The following TFPI variants were observed in gnomAD, a reference collection of about 807,000 sequenced individuals.
TFPI encodes the protein tissue factor pathway inhibitor.
Under a neutral mutation model 34.6 loss-of-function variants are expected in TFPI, and 15 were observed. The observed-to-expected ratio is 0.43, with a 90% CI of 0.29 to 0.67. The LOEUF is 0.67. Among genes scored for constraint, TFPI ranks in the 30% least tolerant of loss-of-function variants. The pLI, the probability that TFPI is intolerant of heterozygous loss-of-function variation, is 0.15. For missense variants in TFPI, 301 were observed against 364.0 expected (o/e 0.83, Z 1.41); for synonymous variants, 105 against 120.1 (o/e 0.87, Z 0.82).
intron 1 of TFPI, among the ~76,000 whole-genome samples, chr2:187,553,749 T>G (rs1324835566): frequency 6.6e-6 from 1 of 152,166 alleles, no homozygotes; most frequent in Non-Finnish European, 1.5e-5. Flanking sequence ...TTATACCTCA[T>G]TTTAAATATC....
intron 6 of TFPI, among the ~76,000 whole-genome samples, chr2:187,480,197 C>T (rs568658849): frequency 4.3e-4 from 66 of 152,052 alleles, no homozygotes; most frequent in African/African-American, 1.5e-3. Context: ...TAACCAGAGA[C>T]TTTATGAGTG....
rs1172134022 is a variant in TFPI at position 187,467,704 on chromosome 2, A to G, written c.808+49T>C. On this transcript the variant is annotated intron_variant, in intron 7 of 7. Coordinates refer to ENST00000233156, the MANE Select transcript of TFPI (RefSeq NM_006287.6). The stretch of plus-strand genomic sequence containing the variant: ...CTTAATAGATTATCATTTCAATTCA[A>G]TTGCTATCTTAAACACTAGTCAATT... 4.9e-6 allele frequency: 7 copies of G among 1,417,570 alleles called. No individual in the cohort carries two copies. In the African/African-American group the frequency reaches 5.7e-5, roughly 12 times the overall value. 87.8% of individuals were successfully genotyped at this position (1,417,570 alleles called of 1,614,324 possible). A position where few individuals can be genotyped will look rare whatever the true frequency, so the allele number is the denominator to read the frequency against.
chr2:187,480,323 T>C (rs1692751490), intron 6 of TFPI, among the ~76,000 whole-genome samples: 1 of 151,960 alleles, frequency 6.6e-6, no homozygotes, highest in African/African-American at 2.4e-5. Flanking sequence ...ATAATAATAA[T>C]GAGTAACCCT....
rs780180267 is a variant in TFPI, at chr2:187,484,815, A to G, written c.531T>C (p.Asp177=). ...TLEECKNICE[D]GPNGFQVDNY... Reference sequence around the variant, plus strand: ...TGAAATAAGAAATAAACTTACGACCATCTTCACAAATGTTCTTGCATTCTT... The same window carrying G: ...TGAAATAAGAAATAAACTTACGACCGTCTTCACAAATGTTCTTGCATTCTT... Residue 177 remains aspartate (D), a synonymous_variant, in exon 5 of 8, where the codon GAT becomes GAC. Transcript: ENST00000233156. 1 of 1,583,852 alleles carries G rather than the reference A, an allele frequency of 6.3e-7. No homozygotes were observed. The highest frequency in any genetic ancestry group is 8.5e-7 in the Non-Finnish European group (1 of 1,170,070).
intron 3 of TFPI, among the ~76,000 whole-genome samples, chr2:187,495,428 A>G (rs1276430076): frequency 1.3e-5 from 2 of 152,224 alleles, no homozygotes; most frequent in Non-Finnish European, 2.9e-5. Flanking sequence ...GATGAATGGG[A>G]AAAGACCAAG....
intron 6 of TFPI, among the ~76,000 whole-genome samples, chr2:187,472,024 A>T (rs1008770084): frequency 2.0e-5 from 3 of 152,038 alleles, no homozygotes; most frequent in Admixed American, 2.0e-4. Context: ...ATTTACTGCA[A>T]ATTATCTTTG....
At chr2:187,547,151 A>C (rs1688909504) in intron 1 of TFPI, 1 of 152,170 alleles carries the variant, frequency 6.6e-6, no homozygotes, top group Admixed American at 6.5e-5. Flanking sequence ...AGGAGAGCAA[A>C]ATGTTCACCC....
chr2:187,484,048 C>A, intron 6 of TFPI, 76 bp downstream of exon 6: 5 of 1,206,988 alleles, frequency 4.1e-6, no homozygotes, highest in Non-Finnish European at 6.1e-6. Context: ...TAAAGACATA[C>A]TTCTAATACA....
At chr2:187,506,605 T>C (rs980354915) in intron 1 of TFPI, among the ~76,000 whole-genome samples, 1 of 152,160 alleles carries the variant, frequency 6.6e-6, no homozygotes, top group African/African-American at 2.4e-5. Flanking sequence ...CTGTGACAGT[T>C]TCTCAGATTT....
At chr2:187,508,297 G>A (rs1372271041) in intron 1 of TFPI, among the ~76,000 whole-genome samples, 1 of 152,050 alleles carries the variant, frequency 6.6e-6, no homozygotes, top group Admixed American at 6.6e-5. Flanking sequence ...TATATGGGCT[G>A]TTTTTTGGTT....
At chr2:187,493,029 G>A (rs985979517) in intron 3 of TFPI, among the ~76,000 whole-genome samples, 2 of 152,110 alleles carry the variant, frequency 1.3e-5, no homozygotes, top group East Asian at 1.9e-4. Flanking sequence ...CCACTAGGCA[G>A]TGCCCCAGTA....
In TFPI at chr2:187,467,741, T is replaced by C. The variant is rs1287944693; in HGVS notation, c.808+12A>G. 1.3e-6 allele frequency: 2 copies of C among 1,568,886 alleles called. No individual in the cohort carries two copies. The highest frequency in any genetic ancestry group is 1.7e-6 in the Non-Finnish European group (2 of 1,158,852). On this transcript the variant is annotated intron_variant, in intron 7 of 7. Transcript: ENST00000233156. The stretch of plus-strand genomic sequence containing the variant: ...AACACTAGTCAATTAATGGGAAGAG[T>C]ATCTTCTATACCTTTTTTACATGCC...
intron 2 of TFPI, 27 bp downstream of exon 2, chr2:187,503,621 A>G: frequency 6.2e-7 from 1 of 1,605,982 alleles, no homozygotes; most frequent in Non-Finnish European, 8.5e-7. Flanking sequence ...AACTAGCTTA[A>G]AAAGATAATT....
At chr2:187,514,929 C>G (rs951568078) in intron 1 of TFPI, 1 of 152,208 alleles carries the variant, frequency 6.6e-6, no homozygotes, top group Non-Finnish European at 1.5e-5. Flanking sequence ...TAAACTACAT[C>G]TATTACAACC....
In TFPI at chr2:187,497,137, C is replaced by T. The variant is rs1392341838; in HGVS notation, c.122-59G>A. 2.1e-6 allele frequency: 3 copies of T among 1,413,850 alleles called. No homozygotes were observed. In the African/African-American group the frequency reaches 4.3e-5, roughly 20 times the overall value. The allele number at this position is 1,413,850 out of a possible 1,614,324, so 87.6% of individuals were successfully genotyped here. The stretch of plus-strand genomic sequence containing the variant: ...TCTCCATCAACACTGTAATAATGTT[C>T]TTTATTTCCTTTTTAATATGTCCTG... On this transcript the variant is annotated intron_variant, in intron 2 of 7. Coordinates refer to ENST00000233156, the MANE Select transcript of TFPI (RefSeq NM_006287.6).
At chr2:187,532,385 C>T (rs1338541104) in intron 1 of TFPI, among the ~76,000 whole-genome samples, 2 of 152,184 alleles carry the variant, frequency 1.3e-5, no homozygotes, top group East Asian at 1.9e-4. Flanking sequence ...GTACCCAGCT[C>T]ATCTCATTGG....
intron 3 of TFPI, among the ~76,000 whole-genome samples, chr2:187,490,446 G>A (rs528616305): frequency 6.6e-6 from 1 of 151,626 alleles, no homozygotes; most frequent in Non-Finnish European, 1.5e-5. Flanking sequence ...ATTAAGGATT[G>A]TTGTGTCTTT....
At chr2:187,487,828 A>G (rs1048778771) in intron 4 of TFPI, among the ~76,000 whole-genome samples, 1 of 151,578 alleles carries the variant, frequency 6.6e-6, no homozygotes, top group African/African-American at 2.4e-5. Flanking sequence ...AACTGCTGAC[A>G]ACTCAGAGAC....
In TFPI at chr2:187,528,906, A is replaced by T. The variant is rs1574501144; in HGVS notation, c.-2-25136T>A. On this transcript the variant is annotated intron_variant, in intron 1 of 7. Coordinates refer to ENST00000233156, the MANE Select transcript of TFPI (RefSeq NM_006287.6). ...AAAATCATATTTAACACTGATGTAT[A>T]GATTGAGTAGTGTGACTCCTTTTTA... Among the ~76,000 whole-genome samples the T allele has an allele frequency of 1.3e-5, 2 of 152,104 alleles. 1 individual carries two copies. Among genetic ancestry groups the T allele is most frequent in the Admixed American group, 1.3e-4 (2 of 15,272 alleles).
Sources: gnomAD v4.1 joint callset for allele counts (sites outside exome capture counted in the v4.1 genomes callset) on GRCh38, gnomAD v4.1.1 for gene constraint, MANE v1.5 for transcripts, NCBI Gene and HGNC (gene_info 2026-07-23, HGNC 2026-07-21) for gene names.